The following AKAP19 variants were observed in gnomAD, a reference collection of about 807,000 sequenced individuals.
The protein encoded by AKAP19 is A-kinase anchoring protein 19, also known as small A-kinase anchoring protein.
the AKAP19 span, among the ~76,000 whole-genome samples, chr2:189,980,321 A>C: frequency 5.3e-5 from 8 of 152,180 alleles, no homozygotes; most frequent in African/African-American, 1.9e-4. Context: ...CAGAAAATCA[A>C]ATCCATGTTT....
At chr2:189,958,501 T>G in the AKAP19 span, among the ~76,000 whole-genome samples, 1 of 140,644 alleles carries the variant, frequency 7.1e-6, no homozygotes, top group Non-Finnish European at 1.5e-5. Flanking sequence ...AATATTTAAT[T>G]AAATATATAT....
the AKAP19 span, among the ~76,000 whole-genome samples, chr2:189,894,165 A>G: frequency 6.6e-6 from 1 of 152,210 alleles, no homozygotes; most frequent in African/African-American, 2.4e-5. Context: ...AAAAATAAAA[A>G]TTAGTGTGAT....
the AKAP19 span, among the ~76,000 whole-genome samples, chr2:189,904,839 T>C: frequency 1.3e-5 from 2 of 152,024 alleles, no homozygotes; most frequent in Non-Finnish European, 2.9e-5. Flanking sequence ...TGATCTCCTT[T>C]GAACTTTAGT....
At chr2:189,987,910 T>C in the AKAP19 span, among the ~76,000 whole-genome samples, 1 of 152,038 alleles carries the variant, frequency 6.6e-6, no homozygotes, top group Non-Finnish European at 1.5e-5. Context: ...CATGCAGAGC[T>C]GGCTGTGCGG....
At chr2:190,150,327 A>G in the AKAP19 span, 1 of 152,056 alleles carries the variant, frequency 6.6e-6, no homozygotes, top group African/African-American at 2.4e-5. Context: ...CACCCTCCTG[A>G]TGGATCTCTG....
the AKAP19 span, among the ~76,000 whole-genome samples, chr2:189,918,486 G>C: frequency 2.0e-5 from 3 of 152,098 alleles, no homozygotes; most frequent in Non-Finnish European, 2.9e-5. Flanking sequence ...ACACTCACTA[G>C]TATGAGTATA....
the AKAP19 span, among the ~76,000 whole-genome samples, chr2:190,172,751 A>G: frequency 6.6e-6 from 1 of 152,112 alleles, no homozygotes; most frequent in African/African-American, 2.4e-5. Context: ...CAGTTACCTT[A>G]TTTTTTCCAT....
the AKAP19 span, among the ~76,000 whole-genome samples, chr2:190,093,451 G>A: frequency 2.0e-5 from 3 of 151,396 alleles, no homozygotes; most frequent in African/African-American, 7.3e-5. Context: ...AAGAAAACAA[G>A]TAATTAAATA....
the AKAP19 span, among the ~76,000 whole-genome samples, chr2:189,996,611 T>A: frequency 6.6e-6 from 1 of 152,192 alleles, no homozygotes; most frequent in African/African-American, 2.4e-5. Context: ...AGATTTCTTC[T>A]TGGTTTGGAT....
At chr2:190,143,685 G>T in the AKAP19 span, among the ~76,000 whole-genome samples, 131 of 151,914 alleles carry the variant, frequency 8.6e-4, no homozygotes, top group Middle Eastern at 3.4e-3. Context: ...ATACCCAAAG[G>T]ACTATAAATC....
At chr2:190,055,670 C>T in the AKAP19 span, 7 of 152,022 alleles carry the variant, frequency 4.6e-5, no homozygotes, top group South Asian at 1.5e-3. Flanking sequence ...ATCAGAAATC[C>T]AGAATTAATC....
the AKAP19 span, chr2:189,930,700 A>G: frequency 1.9e-6 from 1 of 516,624 alleles, no homozygotes. Flanking sequence ...AAGAAATTGA[A>G]TTGGGTCCCC....
the AKAP19 span, among the ~76,000 whole-genome samples, chr2:189,916,450 TAGCTC>T: frequency 6.6e-6 from 1 of 151,424 alleles, no homozygotes; most frequent in Non-Finnish European, 1.5e-5. Flanking sequence ...GCCTCCTGAA[TAGCTC>T]AGATTACAGG....
the AKAP19 span, chr2:190,060,060 A>G: frequency 6.2e-7 from 1 of 1,611,552 alleles, no homozygotes; most frequent in Non-Finnish European, 8.5e-7. Flanking sequence ...GTTATCACTT[A>G]CCAGCCCATC....
chr2:190,047,666 A>T, the AKAP19 span, among the ~76,000 whole-genome samples: 1 of 152,226 alleles, frequency 6.6e-6, no homozygotes, highest in African/African-American at 2.4e-5. Flanking sequence ...CACAAGTATG[A>T]ATAGAATTGA....
At chr2:189,880,564 A>G in the AKAP19 span, among the ~76,000 whole-genome samples, 4 of 152,174 alleles carry the variant, frequency 2.6e-5, no homozygotes, top group Non-Finnish European at 4.4e-5. Context: ...AGGAATAGTC[A>G]GTGTATTGTC....
the AKAP19 span, chr2:190,062,648 T>C: frequency 6.3e-7 from 1 of 1,580,032 alleles, no homozygotes; most frequent in Non-Finnish European, 8.6e-7. Context: ...TTCCTTTTAC[T>C]TTTCTTTTGC....
At chr2:189,892,659 G>A in the AKAP19 span, among the ~76,000 whole-genome samples, 2 of 152,202 alleles carry the variant, frequency 1.3e-5, no homozygotes, top group African/African-American at 4.8e-5. Context: ...CCTGTATGAG[G>A]TGTCTATCAA....
the AKAP19 span, chr2:190,089,592 A>T: frequency 6.6e-6 from 1 of 152,310 alleles, no homozygotes; most frequent in Admixed American, 6.5e-5. Flanking sequence ...AGACTAGTTC[A>T]TATATCCAAG....
Sources: gnomAD v4.1 joint callset for allele counts (sites outside exome capture counted in the v4.1 genomes callset) on GRCh38, gnomAD v4.1.1 for gene constraint, MANE v1.5 for transcripts, NCBI Gene and HGNC (gene_info 2026-07-23, HGNC 2026-07-21) for gene names.